Variants in LRGUK observed in about 807,000 individuals in gnomAD.
The protein encoded by LRGUK is leucine-rich repeat and guanylate kinase domain-containing protein.
LRGUK carries 65 observed loss-of-function variants against 76.0 expected under a neutral mutation model. The ratio of observed to expected loss-of-function variants is 0.85; its 90% CI spans 0.70 to 1.05. LRGUK has a LOEUF of 1.05. Among genes scored for constraint, LRGUK ranks in the 50% least tolerant of loss-of-function variants. LRGUK has a pLI of 0.00. For synonymous variants in LRGUK, 268 were observed against 265.6 expected (o/e 1.01, Z -0.09); for missense variants, 758 against 732.8 (o/e 1.03, Z -0.40).
chr7:134,128,541 G>T (rs1797128510), intron 1 of LRGUK, among the ~76,000 whole-genome samples: 1 of 152,012 alleles, frequency 6.6e-6, no homozygotes. Context: ...AATTTAATTT[G>T]CTTCCTTTCT....
At chr7:134,234,882 C>A (rs1366489178) in intron 16 of LRGUK, among the ~76,000 whole-genome samples, 1 of 152,132 alleles carries the variant, frequency 6.6e-6, no homozygotes, top group Admixed American at 6.5e-5. Flanking sequence ...GATGCCAACT[C>A]TGTATCTGCA....
chr7:134,136,129 AT>A (rs1797529936), intron 1 of LRGUK, among the ~76,000 whole-genome samples: 1 of 151,652 alleles, frequency 6.6e-6, no homozygotes, highest in Non-Finnish European at 1.5e-5. Context: ...GTGATCACTT[AT>A]GTTTTGTGTT....
chr7:134,143,159 C>A, exon 4 of LRGUK: 1 of 1,581,796 alleles, frequency 6.3e-7, no homozygotes, highest in African/African-American at 1.3e-5. Flanking sequence ...CCAAAAACCT[C>A]AAGGTAGACT....
chr7:134,174,831 ATCT>A (rs1799416473), intron 8 of LRGUK, among the ~76,000 whole-genome samples, 195 bp downstream of exon 8: 1 of 152,106 alleles, frequency 6.6e-6, no homozygotes, highest in South Asian at 2.1e-4. Flanking sequence ...AAGACATAAG[ATCT>A]TCTCTCATGA....
chr7:134,229,789 C>G (rs939852673), intron 16 of LRGUK, among the ~76,000 whole-genome samples: 3 of 152,142 alleles, frequency 2.0e-5, no homozygotes, highest in Non-Finnish European at 4.4e-5. Context: ...AAAAGTGACA[C>G]TGCTGAGCAG....
downstream of LRGUK, among the ~76,000 whole-genome samples, chr7:134,265,592 A>C (rs1802840880): frequency 6.6e-6 from 1 of 152,200 alleles, no homozygotes; most frequent in Admixed American, 6.5e-5. Context: ...TAGCTGCACC[A>C]TTCCAGCCAA....
Position 134,197,113 on chromosome 7 carries a change from T to A in LRGUK, c.1545+8T>A, listed in dbSNP as rs1257881023. ...ATTCATATGGAAATAGAAGTAAGTG[T>A]TTTCATTCAACCAATTAATGTGTGT... is the stretch of plus-strand genomic sequence containing the variant. On this transcript the variant is annotated splice_region_variant and intron_variant, in intron 13 of 15. Coordinates refer to ENST00000645682, the Ensembl canonical transcript of LRGUK. 3 of 1,519,584 alleles carry A rather than the reference T, an allele frequency of 2.0e-6. No individual in the cohort carries two copies. The African/African-American group carries it at 4.1e-5, about 21-fold the overall frequency. 94.1% of individuals were successfully genotyped at this position (1,519,584 alleles called of 1,614,324 possible). A position where few individuals can be genotyped will look rare whatever the true frequency, so the allele number is the denominator to read the frequency against.
intron 5 of LRGUK, among the ~76,000 whole-genome samples, chr7:134,149,103 T>G (rs890692278): frequency 5.1e-4 from 4 of 7,810 alleles, no homozygotes; most frequent in Non-Finnish European, 1.2e-3. Flanking sequence ...TATGCTTTCT[T>G]TTTTTAAAAA....
intron 16 of LRGUK, among the ~76,000 whole-genome samples, chr7:134,235,481 C>A (rs1293453473): frequency 6.6e-6 from 1 of 152,220 alleles, no homozygotes. Flanking sequence ...TATACTGCAA[C>A]CTGTATCTCC....
chr7:134,213,028 G>T (rs1422504540), downstream of LRGUK, among the ~76,000 whole-genome samples: 3 of 152,320 alleles, frequency 2.0e-5, no homozygotes. Flanking sequence ...AGTCATCGCG[G>T]TTGCAGAATA....
chr7:134,213,191 G>A (rs988592164), downstream of LRGUK, among the ~76,000 whole-genome samples: 1 of 152,166 alleles, frequency 6.6e-6, no homozygotes, highest in South Asian at 2.1e-4. Flanking sequence ...GTGCTACACC[G>A]AAGAGCTTGG....
chr7:134,271,219 T>C, the LRGUK span, among the ~76,000 whole-genome samples: 2 of 151,988 alleles, frequency 1.3e-5, no homozygotes, highest in Admixed American at 6.6e-5. Context: ...TTTTTGTTAA[T>C]TAAGCATATT....
At chr7:134,237,203 T>C (rs1802039101) in intron 16 of LRGUK, among the ~76,000 whole-genome samples, 1 of 151,934 alleles carries the variant, frequency 6.6e-6, no homozygotes, top group Non-Finnish European at 1.5e-5. Flanking sequence ...TACAGGTGCC[T>C]GCCACCATGC....
chr7:134,162,933 C>T (rs1337769800), intron 6 of LRGUK, among the ~76,000 whole-genome samples: 1 of 151,874 alleles, frequency 6.6e-6, no homozygotes, highest in Non-Finnish European at 1.5e-5. Flanking sequence ...CTACTAGCAC[C>T]CTCACCACAT....
At chr7:134,173,434 A>G (rs1226229241) in intron 7 of LRGUK, among the ~76,000 whole-genome samples, 1 of 152,232 alleles carries the variant, frequency 6.6e-6, no homozygotes, top group East Asian at 1.9e-4. Flanking sequence ...AAAAATAGAA[A>G]TGAAAAAGTG....
At chr7:134,203,265 T>C (rs1277919012) in intron 15 of LRGUK, among the ~76,000 whole-genome samples, 1 of 152,136 alleles carries the variant, frequency 6.6e-6, no homozygotes, top group Non-Finnish European at 1.5e-5. Flanking sequence ...ATAGTAAGTT[T>C]TAAAACTTTC....
At chr7:134,255,222 AACACACACACACACACAC>A (rs66632170) in intron 18 of LRGUK, among the ~76,000 whole-genome samples, 8 of 143,156 alleles carry the variant, frequency 5.6e-5, no homozygotes, top group South Asian at 4.7e-4. Flanking sequence ...ATGTTATCTC[AACACACACACACACACAC>A]ACACACACAC....
intron 16 of LRGUK, among the ~76,000 whole-genome samples, chr7:134,241,870 G>A (rs972853583): frequency 6.6e-6 from 1 of 152,190 alleles, no homozygotes; most frequent in African/African-American, 2.4e-5. Context: ...AGACAACAGT[G>A]CAATCAAACT....
chr7:134,127,524 A>T, exon 1 of LRGUK: 1 of 1,614,236 alleles, frequency 6.2e-7, no homozygotes, highest in Non-Finnish European at 8.5e-7. Flanking sequence ...GACGAAAGGC[A>T]GCTCTAACAT....
Sources: gnomAD v4.1 joint callset for allele counts (sites outside exome capture counted in the v4.1 genomes callset) on GRCh38, gnomAD v4.1.1 for gene constraint, MANE v1.5 for transcripts, NCBI Gene and HGNC (gene_info 2026-07-23, HGNC 2026-07-21) for gene names.